The following SRPK1 variants were observed in gnomAD, a reference collection of about 807,000 sequenced individuals.
SRPK1 encodes SRSF protein kinase 1, also known as SFRS protein kinase 1.
SRPK1 carries 52 observed loss-of-function variants against 89.5 expected under a neutral mutation model. That is an observed-to-expected ratio of 0.58 (90% CI 0.46 to 0.73). The LOEUF (loss-of-function observed/expected upper bound fraction) is 0.73. Ranked by LOEUF, SRPK1 falls within the 30% of genes least tolerant of loss-of-function variation. SRPK1 has a pLI of 0.00. For missense variants in SRPK1, 603 were observed against 780.6 expected (o/e 0.77, Z 2.71); for synonymous variants, 255 against 270.2 (o/e 0.94, Z 0.55).
chr6:35,838,579 A>C lies in SRPK1; in HGVS notation c.1691-150T>G. ...CTTTCTATCCTAAATGGGAAGAGGA[A>C]GACTCTATCCATCTAATGGAGAATT... is the stretch of plus-strand genomic sequence containing the variant. On this transcript the variant is annotated intron_variant, in intron 14 of 15. Coordinates refer to ENST00000373825, the MANE Select transcript of SRPK1 (RefSeq NM_003137.5). 4 of 1,415,384 alleles carry C rather than the reference A, an allele frequency of 2.8e-6. No individual in the cohort carries two copies. The South Asian group carries it at 4.9e-5, about 17-fold the overall frequency. The allele number at this position is 1,415,384 out of a possible 1,614,324, so 87.7% of individuals were successfully genotyped here.
At chr6:35,906,543 A>T (rs1770851970) in intron 2 of SRPK1, among the ~76,000 whole-genome samples, 1 of 152,202 alleles carries the variant, frequency 6.6e-6, no homozygotes, top group South Asian at 2.1e-4. Flanking sequence ...TAAGTAAAAG[A>T]AGCCAGTCAC....
intron 15 of SRPK1, among the ~76,000 whole-genome samples, chr6:35,837,094 T>G (rs1769196432): frequency 6.6e-6 from 1 of 152,188 alleles, no homozygotes; most frequent in Admixed American, 6.5e-5. Context: ...AGGTCAGGTT[T>G]TCACATTTCA....
At chr6:35,878,545 T>C (rs1007059299) in intron 6 of SRPK1, among the ~76,000 whole-genome samples, 3 of 152,216 alleles carry the variant, frequency 2.0e-5, no homozygotes, top group Admixed American at 2.0e-4. Flanking sequence ...ATTTCAGCTC[T>C]TAGCACAGTG....
rs192502229 is a variant in SRPK1, at chr6:35,890,519, G to A, written c.193+376C>T. Among the ~76,000 whole-genome samples the A allele has an allele frequency of 2.1e-3, 327 of 152,240 alleles. 1 individual carries two copies. The highest frequency in any genetic ancestry group is 7.4e-3 in the African/African-American group (309 of 41,528). On this transcript the variant is annotated intron_variant, in intron 3 of 15. Transcript: ENST00000373825. Reference sequence around the variant, plus strand: ...TCTGTCATTCCAGTTTAACTTAACAGCCATCACTATGAGAAAAAAAGTGGT... The same window carrying A: ...TCTGTCATTCCAGTTTAACTTAACAACCATCACTATGAGAAAAAAAGTGGT...
chr6:35,850,748 C>A (rs1204119864), intron 13 of SRPK1, among the ~76,000 whole-genome samples: 1 of 151,634 alleles, frequency 6.6e-6, no homozygotes, highest in Non-Finnish European at 1.5e-5. Context: ...CAAACAACAA[C>A]AAAAAAAACC....
chr6:35,867,923 A>G (rs1769940902), intron 12 of SRPK1, among the ~76,000 whole-genome samples: 1 of 152,234 alleles, frequency 6.6e-6, no homozygotes, highest in Non-Finnish European at 1.5e-5. Flanking sequence ...AAGATCATAC[A>G]AGAAAATACT....
At chr6:35,880,236 A>C (rs759934035) in intron 6 of SRPK1, among the ~76,000 whole-genome samples, 1 of 152,128 alleles carries the variant, frequency 6.6e-6, no homozygotes, top group African/African-American at 2.4e-5. Flanking sequence ...AAATGAAAAA[A>C]TTAACTAGAG....
Position 35,880,742 on chromosome 6 carries a change from A to AAAAAAAAAAAAAAAAAAAAGAAAGAAAG in SRPK1, c.478+5981_478+5982insCTTTCTTTCTTTTTTTTTTTTTTTTTTT. Among the ~76,000 whole-genome samples, 200 of 27,916 alleles carry AAAAAAAAAAAAAAAAAAAAGAAAGAAAG rather than the reference A, an allele frequency of 7.2e-3. 7 individuals carry two copies. Among genetic ancestry groups the AAAAAAAAAAAAAAAAAAAAGAAAGAAAG allele is most frequent in the African/African-American group, 0.015 (47 of 3,168 alleles). 18.3% of individuals were successfully genotyped at this position (27,916 alleles called of 152,430 possible). ...CTCAAAAAAAAAAAAAAAGAAAAAA[A>AAAAAAAAAAAAAAAAAAAAGAAAGAAAG]AAAAAAAAGAAAAGAAAAGAAGAAG... On this transcript the variant is annotated intron_variant, in intron 6 of 15. Transcript: ENST00000373825.
At chr6:35,836,039 A>G (rs1299402585) in intron 15 of SRPK1, among the ~76,000 whole-genome samples, 1 of 152,150 alleles carries the variant, frequency 6.6e-6, no homozygotes, top group Non-Finnish European at 1.5e-5. Flanking sequence ...AGGGGTCCCC[A>G]ACTCTATACC....
chr6:35,843,261 C>G (rs182050899), intron 13 of SRPK1, among the ~76,000 whole-genome samples: 1 of 151,828 alleles, frequency 6.6e-6, no homozygotes, highest in East Asian at 1.9e-4. Context: ...AGCCACCACG[C>G]CCAGCCCAGG....
At position 35,888,010 on chromosome 6, in the gene SRPK1, A is replaced by G. The variant is rs777727711; in HGVS notation, c.390+14T>C. The G allele has an allele frequency of 1.3e-6, 2 of 1,563,466 alleles. No homozygotes were observed. Among genetic ancestry groups the G allele is most frequent in the Non-Finnish European group, 1.7e-6 (2 of 1,153,398 alleles). On this transcript the variant is annotated intron_variant, in intron 5 of 15. Transcript: ENST00000373825. ...TATAATTCTTCACATTCATACATAT[A>G]ATCTAATACTCACTGACTTCAGCAA...
chr6:35,877,465 T>C (rs1445194904), intron 6 of SRPK1, among the ~76,000 whole-genome samples: 1 of 152,194 alleles, frequency 6.6e-6, no homozygotes, highest in African/African-American at 2.4e-5. Flanking sequence ...GATGTTAGAA[T>C]TAGACAAGGA....
chr6:35,887,977 G>T, intron 5 of SRPK1, 47 bp downstream of exon 5: 2 of 1,349,512 alleles, frequency 1.5e-6, no homozygotes, highest in Non-Finnish European at 2.0e-6. Flanking sequence ...AATGAAACTT[G>T]ATTTATTTAT....
intron 13 of SRPK1, among the ~76,000 whole-genome samples, chr6:35,855,189 A>C (rs963719443): frequency 6.6e-6 from 1 of 152,012 alleles, no homozygotes; most frequent in Non-Finnish European, 1.5e-5. Context: ...GTAGTCCCAG[A>C]TACTTGGGAA....
chr6:35,916,080 T>A (rs892442319), intron 2 of SRPK1, among the ~76,000 whole-genome samples: 12 of 138,958 alleles, frequency 8.6e-5, no homozygotes, highest in Non-Finnish European at 1.3e-4. Flanking sequence ...TATGGTTGGC[T>A]GGACACAGTG....
At chr6:35,913,342 T>C (rs190020473) in intron 2 of SRPK1, among the ~76,000 whole-genome samples, 14 of 152,218 alleles carry the variant, frequency 9.2e-5, no homozygotes, top group Middle Eastern at 3.4e-3. Context: ...CAATTAAAAA[T>C]GCAAATTTTA....
In SRPK1 at chr6:35,835,013, G is replaced by A. The variant is rs1769145489; in HGVS notation, c.*291C>T. The A allele has an allele frequency of 4.0e-6, 1 of 247,180 alleles. No individual in the cohort carries two copies. The highest frequency in any genetic ancestry group is 2.2e-5 in the African/African-American group (1 of 45,352). The allele number at this position is 247,180 out of a possible 1,614,324, so 15.3% of individuals were successfully genotyped here. A position where few individuals can be genotyped will look rare whatever the true frequency, so the allele number is the denominator to read the frequency against. On this transcript the variant is annotated 3_prime_UTR_variant, in exon 16 of 16. Coordinates refer to ENST00000373825, the MANE Select transcript of SRPK1 (RefSeq NM_003137.5). The stretch of plus-strand genomic sequence containing the variant: ...TCAAAAAGGATGCTTATAATTTAAA[G>A]GATGTCCTAATGGGAAGGAAAGGTA...
intron 2 of SRPK1, among the ~76,000 whole-genome samples, chr6:35,912,337 C>A (rs945904192): frequency 7.2e-5 from 11 of 152,006 alleles, no homozygotes; most frequent in Non-Finnish European, 1.6e-4. Flanking sequence ...GGCAACAGTA[C>A]CAGACCCCAT....
At chr6:35,893,424 G>A (rs191054777) in intron 2 of SRPK1, among the ~76,000 whole-genome samples, 8 of 152,166 alleles carry the variant, frequency 5.3e-5, no homozygotes, top group Non-Finnish European at 7.4e-5. Context: ...GGTTGCGGCT[G>A]CAGTGAGTCA....
Sources: allele counts gnomAD v4.1 joint callset (sites outside exome capture counted in the v4.1 genomes callset), GRCh38; gene constraint gnomAD v4.1.1; transcripts MANE v1.5; gene names NCBI Gene and HGNC (gene_info 2026-07-23, HGNC 2026-07-21).